Variants in ECHDC1 observed in about 807,000 individuals in gnomAD.
ECHDC1 encodes the protein ethylmalonyl-CoA decarboxylase.
In ECHDC1, 29 loss-of-function variants were observed where a neutral mutation model predicts 29.7. The observed-to-expected ratio is 0.98, with a 90% CI of 0.73 to 1.33. ECHDC1 has a LOEUF of 1.33. Ranked by LOEUF, ECHDC1 falls within the 40% of genes most tolerant of loss-of-function variation. The pLI, the probability that ECHDC1 is intolerant of heterozygous loss-of-function variation, is 0.00. For synonymous variants in ECHDC1, 126 were observed against 123.1 expected (o/e 1.02, Z -0.15); for missense variants, 328 against 350.0 (o/e 0.94, Z 0.50).
chr6:127,339,616 T>C (rs374655922), intron 1 of ECHDC1, among the ~76,000 whole-genome samples: 40 of 151,446 alleles, frequency 2.6e-4, no homozygotes, highest in South Asian at 1.7e-3. Context: ...CTACTAAAAA[T>C]ACAAAAATCA....
At chr6:127,312,783 G>A (rs556491863) in intron 5 of ECHDC1, among the ~76,000 whole-genome samples, 1 of 152,130 alleles carries the variant, frequency 6.6e-6, no homozygotes, top group East Asian at 1.9e-4. Context: ...CAAAAACACA[G>A]ATAAATCTCA....
chr6:127,338,259 A>T (rs1408546475), intron 1 of ECHDC1, among the ~76,000 whole-genome samples: 1 of 152,204 alleles, frequency 6.6e-6, no homozygotes, highest in Non-Finnish European at 1.5e-5. Flanking sequence ...TCAGAGAGAA[A>T]GCATCTTTAA....
chr6:127,329,676 C>T, intron 2 of ECHDC1: 1 of 279,924 alleles, frequency 3.6e-6, no homozygotes, highest in Non-Finnish European at 7.1e-6. Flanking sequence ...AGAAAAATAC[C>T]TCATAATTGT....
At chr6:127,343,266 C>G (rs1048266421) in intron 1 of ECHDC1, 70 bp downstream of exon 1, 17 of 152,192 alleles carry the variant, frequency 1.1e-4, no homozygotes, top group African/African-American at 4.1e-4. Flanking sequence ...CATTCCACGG[C>G]GACATTTTAG....
At position 127,331,021 on chromosome 6, in the gene ECHDC1, T is replaced by C. The variant is rs1783884692; in HGVS notation, c.8A>G (p.Lys3Arg). The C allele has an allele frequency of 2.5e-6, 4 of 1,612,664 alleles. No homozygotes were observed. In the East Asian group the frequency reaches 8.9e-5, roughly 36 times the overall value. Residue 3 changes from lysine (K) to arginine (R), a missense_variant, in exon 2 of 6, where the codon AAA (lysine) becomes AGA (arginine). Coordinates refer to ENST00000454859, the MANE Select transcript of ECHDC1 (RefSeq NM_001002030.2). Reference sequence around the variant, plus strand: ...CAGAGAGGCTGTCTTCAAAAGACTTTTCGCCATTTCTGGAAAACAGAAATA... The same window carrying C: ...CAGAGAGGCTGTCTTCAAAAGACTTCTCGCCATTTCTGGAAAACAGAAATA... MA[K>R]SLLKTASLSG... is the part of the protein sequence containing the mutation.
At chr6:127,298,801 A>G (rs1780818197) in intron 5 of ECHDC1, among the ~76,000 whole-genome samples, 1 of 152,148 alleles carries the variant, frequency 6.6e-6, no homozygotes, top group Non-Finnish European at 1.5e-5. Context: ...GAAGTATAGC[A>G]CATACAATTA....
intron 5 of ECHDC1, among the ~76,000 whole-genome samples, chr6:127,310,341 C>A (rs1401356311): frequency 6.6e-6 from 1 of 151,912 alleles, no homozygotes; most frequent in Non-Finnish European, 1.5e-5. Flanking sequence ...AGCAAAACAT[C>A]TCATGTACCC....
intron 1 of ECHDC1, among the ~76,000 whole-genome samples, chr6:127,334,685 AT>A (rs879698620): frequency 2.6e-5 from 4 of 152,088 alleles, no homozygotes; most frequent in Non-Finnish European, 4.4e-5. Context: ...TTACCATGCT[AT>A]TTTATATTAT....
chr6:127,295,017 TG>T (rs1780484540), intron 5 of ECHDC1, among the ~76,000 whole-genome samples: 1 of 151,890 alleles, frequency 6.6e-6, no homozygotes, highest in Non-Finnish European at 1.5e-5. Flanking sequence ...GGTACAATCT[TG>T]GCTCACTGCA....
At position 127,288,839 on chromosome 6, in the gene ECHDC1, C is replaced by CCTAA. The variant is rs1779847832; in HGVS notation, c.*1026_*1029dup. The CCTAA allele has an allele frequency of 6.6e-6, 1 of 151,968 alleles. No homozygotes were observed. Among genetic ancestry groups the CCTAA allele is most frequent in the Non-Finnish European group, 1.5e-5 (1 of 67,966 alleles). The allele number at this position is 151,968 out of a possible 1,614,324, so 9.4% of individuals were successfully genotyped here. A position where few individuals can be genotyped will look rare whatever the true frequency, so the allele number is the denominator to read the frequency against. On this transcript the variant is annotated 3_prime_UTR_variant, in exon 6 of 6. Coordinates refer to ENST00000454859, the MANE Select transcript of ECHDC1 (RefSeq NM_001002030.2). Reference sequence around the variant, plus strand: ...ATGTGAGTCTGTCTAACCATATTTTCCTAACTCAACAGTAGGATCATGATG... The same window carrying CCTAA: ...ATGTGAGTCTGTCTAACCATATTTTCCTAACTAACTCAACAGTAGGATCATGATG...
chr6:127,294,312 G>A (rs763914524), intron 5 of ECHDC1, among the ~76,000 whole-genome samples: 1 of 152,166 alleles, frequency 6.6e-6, no homozygotes, highest in Non-Finnish European at 1.5e-5. Flanking sequence ...GGGAAATATA[G>A]CATAGAAAAT....
In ECHDC1 at chr6:127,289,039, A is replaced by G. The variant is rs1779876951; in HGVS notation, c.*830T>C. On this transcript the variant is annotated 3_prime_UTR_variant, in exon 6 of 6. Transcript: ENST00000454859. ...TAAACATTTTATGTTGTGCATTTTTATTACATTTACTTTTGAAAGATAGTT... is the reference window on the plus strand; with the variant it reads ...TAAACATTTTATGTTGTGCATTTTTGTTACATTTACTTTTGAAAGATAGTT... 1 of 152,044 alleles carries G rather than the reference A, an allele frequency of 6.6e-6. No individual in the cohort carries two copies. The highest frequency in any genetic ancestry group is 6.6e-5 in the Admixed American group (1 of 15,236). The allele number at this position is 152,044 out of a possible 1,614,324, so 9.4% of individuals were successfully genotyped here. A position where few individuals can be genotyped will look rare whatever the true frequency, so the allele number is the denominator to read the frequency against.
chr6:127,312,177 A>G (rs1782000124), intron 5 of ECHDC1, among the ~76,000 whole-genome samples: 4 of 152,316 alleles, frequency 2.6e-5, no homozygotes, highest in Admixed American at 2.6e-4. Flanking sequence ...CTCTGCTACT[A>G]TAATTATTGC....
intron 3 of ECHDC1, among the ~76,000 whole-genome samples, chr6:127,325,071 G>T (rs1783197438): frequency 6.6e-6 from 1 of 152,086 alleles, no homozygotes; most frequent in Non-Finnish European, 1.5e-5. Context: ...GGTGACCAAG[G>T]TTAACATCAT....
chr6:127,297,953 A>C (rs553520365), intron 5 of ECHDC1, among the ~76,000 whole-genome samples: 2 of 152,298 alleles, frequency 1.3e-5, no homozygotes, highest in South Asian at 4.1e-4. Flanking sequence ...ATTGTGAGAC[A>C]AGGAGCTCGG....
intron 1 of ECHDC1, among the ~76,000 whole-genome samples, chr6:127,337,734 T>C (rs765555055): frequency 2.6e-5 from 4 of 152,204 alleles, no homozygotes; most frequent in Non-Finnish European, 5.9e-5. Flanking sequence ...TATATTCTCA[T>C]GACAGGATGT....
intron 5 of ECHDC1, among the ~76,000 whole-genome samples, chr6:127,302,681 T>C (rs1488367884): frequency 6.6e-6 from 1 of 152,226 alleles, no homozygotes; most frequent in African/African-American, 2.4e-5. Flanking sequence ...ATTACAGGCC[T>C]GACCCACTGT....
intron 3 of ECHDC1, among the ~76,000 whole-genome samples, chr6:127,320,158 C>T (rs1352436459): frequency 6.6e-6 from 1 of 152,138 alleles, no homozygotes; most frequent in Non-Finnish European, 1.5e-5. Context: ...GCTGGGATTA[C>T]TGGCACCTGC....
At chr6:127,336,937 T>C (rs1444962435) in intron 1 of ECHDC1, among the ~76,000 whole-genome samples, 1 of 152,144 alleles carries the variant, frequency 6.6e-6, no homozygotes, top group Non-Finnish European at 1.5e-5. Flanking sequence ...TGCCAAGCAA[T>C]GGGGCTTGAA....
Sources: allele counts gnomAD v4.1 joint callset (sites outside exome capture counted in the v4.1 genomes callset), GRCh38; gene constraint gnomAD v4.1.1; transcripts MANE v1.5; gene names NCBI Gene and HGNC (gene_info 2026-07-23, HGNC 2026-07-21).